The following RAB6A variants were observed in gnomAD, a reference collection of about 807,000 sequenced individuals.
RAB6A encodes RAB6A, member RAS oncogene family, also known as ras-related protein Rab-6A.
A neutral mutation model predicts 32.3 loss-of-function variants in RAB6A; 8 were observed. The observed-to-expected ratio is 0.25, with a 90% CI of 0.15 to 0.45. RAB6A has a LOEUF of 0.45. Among genes scored for constraint, RAB6A ranks in the 20% least tolerant of loss-of-function variants. RAB6A has a pLI of 1.00. For missense variants in RAB6A, 104 were observed against 249.4 expected (o/e 0.42, Z 3.93); for synonymous variants, 73 against 82.1 (o/e 0.89, Z 0.60).
intron 1 of RAB6A, among the ~76,000 whole-genome samples, chr11:73,751,435 T>C (rs911616596): frequency 6.6e-6 from 1 of 152,006 alleles, no homozygotes; most frequent in Non-Finnish European, 1.5e-5. Flanking sequence ...AAACCGACAA[T>C]GGGGAAAGCT....
intron 1 of RAB6A, among the ~76,000 whole-genome samples, chr11:73,757,097 AC>A (rs1946762898): frequency 1.5e-5 from 1 of 67,584 alleles, no homozygotes; most frequent in African/African-American, 6.4e-5. Flanking sequence ...AAATATACAT[AC>A]ATATATATAT....
chr11:73,732,938 G>A (rs950007978), intron 1 of RAB6A, among the ~76,000 whole-genome samples: 2 of 151,806 alleles, frequency 1.3e-5, no homozygotes, highest in African/African-American at 4.8e-5. Flanking sequence ...TCAGCCTCCC[G>A]AGTATCTGAG....
At chr11:73,687,320 T>C (rs1435153049) in intron 6 of RAB6A, among the ~76,000 whole-genome samples, 2 of 152,196 alleles carry the variant, frequency 1.3e-5, no homozygotes, top group Non-Finnish European at 2.9e-5. Flanking sequence ...TTTTGCACTA[T>C]AGTGTGAATG....
chr11:73,726,777 AT>A (rs1366152466), intron 2 of RAB6A, among the ~76,000 whole-genome samples: 1 of 151,268 alleles, frequency 6.6e-6, no homozygotes, highest in Admixed American at 6.6e-5. Context: ...AAGAAAAATT[AT>A]TTTTAAAAAA....
At chr11:73,753,582 G>T (rs1049254729) in intron 1 of RAB6A, among the ~76,000 whole-genome samples, 1 of 151,838 alleles carries the variant, frequency 6.6e-6, no homozygotes, top group Non-Finnish European at 1.5e-5. Context: ...ATGGTGGCGG[G>T]CGCCTGTAGT....
rs192416226 is a variant in RAB6A at position 73,681,489 on chromosome 11, T to G, written c.496-1769A>C. On this transcript the variant is annotated intron_variant, in intron 6 of 7. Transcript: ENST00000336083. ...AACAGAATGCCTAGAAGGACAGAGA[T>G]AAGAGACTGGAACTACAACTAATAT... Among the ~76,000 whole-genome samples the G allele has an allele frequency of 2.6e-5, 4 of 152,306 alleles. No individual in the cohort carries two copies. The East Asian group carries it at 7.7e-4, about 29-fold the overall frequency.
At chr11:73,702,164 G>A (rs1432716532) in intron 6 of RAB6A, among the ~76,000 whole-genome samples, 2 of 152,032 alleles carry the variant, frequency 1.3e-5, no homozygotes, top group Admixed American at 6.6e-5. Flanking sequence ...GGATATATAA[G>A]GTGTTTTTTT....
chr11:73,710,060 G>A (rs1157954347), intron 5 of RAB6A, among the ~76,000 whole-genome samples: 1 of 148,242 alleles, frequency 6.7e-6, no homozygotes, highest in Non-Finnish European at 1.5e-5. Flanking sequence ...CCAGGTTCAC[G>A]CCATTCTCCC....
chr11:73,702,023 TA>T (rs1384572546), intron 6 of RAB6A, among the ~76,000 whole-genome samples: 1 of 152,220 alleles, frequency 6.6e-6, no homozygotes, highest in Non-Finnish European at 1.5e-5. Context: ...ATACACTTAC[TA>T]ACATAACTTC....
intron 1 of RAB6A, among the ~76,000 whole-genome samples, chr11:73,740,785 G>T (rs531735871): frequency 2.0e-5 from 3 of 152,022 alleles, no homozygotes; most frequent in Middle Eastern, 3.4e-3. Context: ...TACTCGGGGG[G>T]GCTGAGGCAG....
chr11:73,736,642 A>G (rs149819249), intron 1 of RAB6A, among the ~76,000 whole-genome samples: 7 of 151,144 alleles, frequency 4.6e-5, no homozygotes, highest in African/African-American at 1.7e-4. Context: ...AAATGCAAAA[A>G]TTAGCCAGGC....
chr11:73,692,430 G>A (rs561902971), intron 6 of RAB6A, among the ~76,000 whole-genome samples: 13 of 147,600 alleles, frequency 8.8e-5, no homozygotes, highest in African/African-American at 3.3e-4. Flanking sequence ...GTGAACCCGG[G>A]AGGCGGAGCT....
intron 2 of RAB6A, chr11:73,730,191 AAAGTAG>A (rs1946282242): frequency 6.6e-6 from 1 of 152,250 alleles, no homozygotes; most frequent in Non-Finnish European, 1.5e-5. Context: ...CCAGTTTCTT[AAAGTAG>A]AATGTTAGGC....
chr11:73,732,735 G>C (rs1946335766), intron 1 of RAB6A, among the ~76,000 whole-genome samples: 1 of 152,130 alleles, frequency 6.6e-6, no homozygotes, highest in South Asian at 2.1e-4. Context: ...ACTACAGTCT[G>C]GGCGACACAG....
intron 1 of RAB6A, among the ~76,000 whole-genome samples, chr11:73,758,703 GT>G (rs1946797644): frequency 6.6e-6 from 1 of 152,190 alleles, no homozygotes; most frequent in Non-Finnish European, 1.5e-5. Flanking sequence ...AGATGAATAG[GT>G]TTTTTCATGC....
chr11:73,688,857 G>A (rs1945500326), intron 6 of RAB6A, among the ~76,000 whole-genome samples: 1 of 152,264 alleles, frequency 6.6e-6, no homozygotes, highest in Admixed American at 6.5e-5. Flanking sequence ...TTGCCACCAG[G>A]CAGTGGCTCA....
At chr11:73,713,084 GA>G (rs962989183) in intron 5 of RAB6A, among the ~76,000 whole-genome samples, 2 of 152,096 alleles carry the variant, frequency 1.3e-5, no homozygotes, top group African/African-American at 4.8e-5. Flanking sequence ...TCAGAGGTGA[GA>G]GGGGTATTCT....
At chr11:73,703,437 A>T (rs1458528054) in intron 6 of RAB6A, among the ~76,000 whole-genome samples, 1 of 152,238 alleles carries the variant, frequency 6.6e-6, no homozygotes, top group Non-Finnish European at 1.5e-5. Context: ...GAGGCAGAAT[A>T]AACTGACAAT....
At chr11:73,723,136 A>G (rs1416625221) in intron 2 of RAB6A, among the ~76,000 whole-genome samples, 1 of 152,034 alleles carries the variant, frequency 6.6e-6, no homozygotes, top group Non-Finnish European at 1.5e-5. Context: ...TTAAGCACGT[A>G]CTTGCAAGTA....
Sources: gnomAD v4.1 joint callset for allele counts (sites outside exome capture counted in the v4.1 genomes callset) on GRCh38, gnomAD v4.1.1 for gene constraint, MANE v1.5 for transcripts, NCBI Gene and HGNC (gene_info 2026-07-23, HGNC 2026-07-21) for gene names.